CSMD1: variants seen among roughly 807,000 people sequenced by gnomAD.
CSMD1 encodes CUB and sushi domain-containing protein 1.
CSMD1 carries 213 observed loss-of-function variants against 417.5 expected under a neutral mutation model. The observed-to-expected ratio is 0.51, with a 90% CI of 0.46 to 0.57. The LOEUF is 0.57. Ranked by LOEUF, CSMD1 falls within the 20% of genes least tolerant of loss-of-function variation. The pLI is 0.00. For synonymous variants in CSMD1, 2,862 were observed against 1,736.8 expected (o/e 1.65, Z -16.11); for missense variants, 6,923 against 4,529.7 (o/e 1.53, Z -15.17).
Position 3,952,131 on chromosome 8 carries a change from G to A in CSMD1, c.818+45772C>T, listed in dbSNP as rs377292044. Among the ~76,000 whole-genome samples, 8 of 152,050 alleles carry A rather than the reference G, an allele frequency of 5.3e-5. No individual in the cohort carries two copies. The East Asian group carries it at 1.5e-3, about 29-fold the overall frequency. On this transcript the variant is annotated intron_variant, in intron 5 of 69. Coordinates refer to ENST00000635120, the MANE Select transcript of CSMD1 (RefSeq NM_033225.6). ...GAAAGAACAAATTATTTAAGTAGTG[G>A]TTCACAAAGTATGGTCGCAGAAACC...
chr8:4,416,621 C>G (rs193034716), intron 3 of CSMD1, among the ~76,000 whole-genome samples: 3 of 151,842 alleles, frequency 2.0e-5, no homozygotes, highest in East Asian at 1.9e-4. Context: ...TTTTTAAAAT[C>G]TAAAGAGAAA....
At chr8:3,606,049 G>C (rs1801596229) in intron 8 of CSMD1, among the ~76,000 whole-genome samples, 1 of 152,132 alleles carries the variant, frequency 6.6e-6, no homozygotes, top group African/African-American at 2.4e-5. Context: ...TGATTGTAAT[G>C]AGATGATAGT....
intron 4 of CSMD1, among the ~76,000 whole-genome samples, chr8:4,023,787 G>A (rs1217315867): frequency 1.9e-5 from 1 of 51,940 alleles, no homozygotes; most frequent in Non-Finnish European, 3.7e-5. Flanking sequence ...TTTTTTTTGT[G>A]TGTGTATTTT....
chr8:3,135,916 A>T (rs895450620), intron 41 of CSMD1, among the ~76,000 whole-genome samples: 20 of 152,152 alleles, frequency 1.3e-4, no homozygotes, highest in African/African-American at 4.6e-4. Context: ...AGGGCAGAAA[A>T]AGCTATGAAA....
At chr8:4,900,841 T>C (rs1227200623) in intron 1 of CSMD1, among the ~76,000 whole-genome samples, 10 of 152,238 alleles carry the variant, frequency 6.6e-5, no homozygotes, top group Non-Finnish European at 1.3e-4. Flanking sequence ...CTCTAATTTC[T>C]GTCCTTATGT....
At chr8:4,717,603 C>A (rs369191077) in intron 1 of CSMD1, among the ~76,000 whole-genome samples, 1 of 151,736 alleles carries the variant, frequency 6.6e-6, no homozygotes, top group South Asian at 2.1e-4. Context: ...TCCATCCATC[C>A]ACAAGCAGTA....
intron 4 of CSMD1, among the ~76,000 whole-genome samples, chr8:4,011,807 C>T (rs965691710): frequency 6.6e-6 from 1 of 152,110 alleles, no homozygotes; most frequent in African/African-American, 2.4e-5. Context: ...ATAAAAATTA[C>T]ACTGGAATAA....
At chr8:4,397,037 AAAAT>A (rs1804280279) in intron 3 of CSMD1, among the ~76,000 whole-genome samples, 1 of 146,538 alleles carries the variant, frequency 6.8e-6, no homozygotes, top group Admixed American at 7.2e-5. Flanking sequence ...AATTAAAAAA[AAAAT>A]AAAGAAAAAT....
chr8:3,639,344 G>C (rs1040081607), intron 7 of CSMD1, among the ~76,000 whole-genome samples: 2 of 152,126 alleles, frequency 1.3e-5, no homozygotes, highest in African/African-American at 2.4e-5. Context: ...AAAGTTTGGA[G>C]TTTAAGAGGA....
chr8:3,770,397 T>C (rs1339648056), intron 5 of CSMD1, among the ~76,000 whole-genome samples: 1 of 152,014 alleles, frequency 6.6e-6, no homozygotes, highest in Non-Finnish European at 1.5e-5. Context: ...GGCACGGTGG[T>C]GCGTGCCTGT....
At chr8:3,635,265 G>T (rs1225005027) in intron 7 of CSMD1, among the ~76,000 whole-genome samples, 1 of 151,936 alleles carries the variant, frequency 6.6e-6, no homozygotes, top group Admixed American at 6.6e-5. Context: ...CATGAGGTCA[G>T]GTGTTCAAGA....
chr8:3,280,869 G>C (rs75630227), intron 26 of CSMD1, among the ~76,000 whole-genome samples: 3,659 of 151,914 alleles, frequency 0.024, 100 homozygotes, highest in South Asian at 0.1. Flanking sequence ...TTCTACCCAA[G>C]TTAGAAAGAT....
At chr8:3,631,797 G>A (rs950565276) in intron 7 of CSMD1, among the ~76,000 whole-genome samples, 4 of 152,216 alleles carry the variant, frequency 2.6e-5, no homozygotes, top group Non-Finnish European at 4.4e-5. Flanking sequence ...GGATTTCTCT[G>A]CCTTAGGCAC....
chr8:2,954,292 C>T, intron 64 of CSMD1, 24 bp from the exon 65 acceptor site: 1 of 1,331,078 alleles, frequency 7.5e-7, no homozygotes. Context: ...GACAAATTAT[C>T]ATTTTAAAAA....
chr8:4,256,391 C>G (rs1365618943), intron 3 of CSMD1, among the ~76,000 whole-genome samples: 1 of 152,132 alleles, frequency 6.6e-6, no homozygotes, highest in Non-Finnish European at 1.5e-5. Flanking sequence ...CTACACCCCT[C>G]TGAATTTCTC....
At chr8:3,366,584 G>T (rs1318482258) in intron 20 of CSMD1, among the ~76,000 whole-genome samples, 2 of 152,150 alleles carry the variant, frequency 1.3e-5, no homozygotes, top group African/African-American at 4.8e-5. Context: ...AACTGTGTGT[G>T]TCCACCTGCT....
chr8:4,466,625 T>A (rs1163734680), intron 2 of CSMD1, among the ~76,000 whole-genome samples: 1 of 152,214 alleles, frequency 6.6e-6, no homozygotes, highest in Non-Finnish European at 1.5e-5. Context: ...GTTCAATTTT[T>A]TGACTTTATT....
intron 3 of CSMD1, among the ~76,000 whole-genome samples, chr8:4,034,502 G>C (rs1357328624): frequency 6.6e-6 from 1 of 152,124 alleles, no homozygotes. Context: ...AAACATGTGT[G>C]CTGTTTATAG....
intron 3 of CSMD1, among the ~76,000 whole-genome samples, chr8:4,148,941 C>A (rs933898812): frequency 3.3e-5 from 5 of 150,752 alleles, no homozygotes; most frequent in African/African-American, 1.2e-4. Flanking sequence ...CCTAACTTCA[C>A]CTGTAATTAA....
Sources: gnomAD v4.1 joint callset for allele counts (sites outside exome capture counted in the v4.1 genomes callset) on GRCh38, gnomAD v4.1.1 for gene constraint, MANE v1.5 for transcripts, NCBI Gene and HGNC (gene_info 2026-07-23, HGNC 2026-07-21) for gene names.